Variants in GLYATL2 observed in about 807,000 individuals in gnomAD.
GLYATL2 encodes glycine-N-acyltransferase like 2, also known as glycine N-acyltransferase-like protein 2.
Under a neutral mutation model 21.4 loss-of-function variants are expected in GLYATL2, and 25 were observed. The observed-to-expected ratio is 1.17, with a 90% CI of 0.85 to 1.63. GLYATL2 has a LOEUF of 1.63. Among genes scored for constraint, GLYATL2 ranks in the 40% most tolerant of loss-of-function variants. The pLI is 0.00. For missense variants in GLYATL2, 361 were observed against 343.3 expected (o/e 1.05, Z -0.41); for synonymous variants, 114 against 118.2 (o/e 0.96, Z 0.23).
rs187445054 is a variant in GLYATL2 at position 58,880,512 on chromosome 11, C to T, written n.60+23644G>A. Reference sequence around the variant, plus strand: ...TGGGGTGTGATACAGCATGGTAGATCTTGAATTAAAACTTACAAAATTTTT... The same window carrying T: ...TGGGGTGTGATACAGCATGGTAGATTTTGAATTAAAACTTACAAAATTTTT... On this transcript the variant is annotated intron_variant and non_coding_transcript_variant, in intron 1 of 4. Coordinates refer to the GLYATL2 transcript ENST00000533636. Among the ~76,000 whole-genome samples, 17 of 152,142 alleles carry T rather than the reference C, an allele frequency of 1.1e-4. 1 individual carries two copies. The highest frequency in any genetic ancestry group is 3.9e-4 in the Admixed American group (6 of 15,274).
intron 2 of GLYATL2, 29 bp from the exon 3 acceptor site, chr11:58,838,397 G>A: frequency 2.2e-6 from 3 of 1,379,372 alleles, no homozygotes; most frequent in Non-Finnish European, 3.1e-6. Context: ...AAGCAGGAGA[G>A]GATGAAGTTC....
chr11:58,842,171 G>C (rs1188856426), intron 1 of GLYATL2, among the ~76,000 whole-genome samples: 1 of 152,170 alleles, frequency 6.6e-6, no homozygotes, highest in East Asian at 1.9e-4. Flanking sequence ...TCTTTATGTT[G>C]ATTAATTCAT....
chr11:58,860,605 C>G (rs778815850), intron 1 of GLYATL2, among the ~76,000 whole-genome samples: 7 of 152,012 alleles, frequency 4.6e-5, no homozygotes, highest in Non-Finnish European at 8.8e-5. Flanking sequence ...TTTCTCTTGC[C>G]TAATTGCTCT....
intron 1 of GLYATL2, among the ~76,000 whole-genome samples, chr11:58,869,562 G>C (rs1188720376): frequency 1.3e-5 from 2 of 152,174 alleles, no homozygotes; most frequent in African/African-American, 4.8e-5. Context: ...CGTGGCTAGA[G>C]TTCCAAGTTA....
intron 1 of GLYATL2, among the ~76,000 whole-genome samples, chr11:58,840,344 A>G (rs1262641100): frequency 2.6e-5 from 4 of 152,272 alleles, no homozygotes; most frequent in Non-Finnish European, 4.4e-5. Context: ...GGATGTAAAC[A>G]TAAGAAAATT....
At chr11:58,858,245 T>TG (rs1853867441) in intron 1 of GLYATL2, among the ~76,000 whole-genome samples, 1 of 152,310 alleles carries the variant, frequency 6.6e-6, no homozygotes, top group Admixed American at 6.5e-5. Context: ...CTAATGAGCA[T>TG]GGTTCTGACA....
chr11:58,861,430 T>G (rs992162180), intron 1 of GLYATL2, among the ~76,000 whole-genome samples: 1 of 152,012 alleles, frequency 6.6e-6, no homozygotes, highest in Non-Finnish European at 1.5e-5. Context: ...TGTCTCCTTT[T>G]TATGTATGAT....
intron 1 of GLYATL2, among the ~76,000 whole-genome samples, chr11:58,887,401 AT>A (rs1854462134): frequency 6.6e-6 from 1 of 152,232 alleles, no homozygotes; most frequent in African/African-American, 2.4e-5. Context: ...GAGAATTTAT[AT>A]AGAAAAAAAG....
upstream of GLYATL2, among the ~76,000 whole-genome samples, chr11:58,848,701 G>A (rs1032659582): frequency 6.6e-6 from 1 of 152,104 alleles, no homozygotes; most frequent in Non-Finnish European, 1.5e-5. Flanking sequence ...CACATCTACA[G>A]GTTATAGAAA....
intron 1 of GLYATL2, among the ~76,000 whole-genome samples, chr11:58,852,373 T>A (rs150683099): frequency 1.3e-5 from 2 of 152,334 alleles, no homozygotes; most frequent in African/African-American, 4.8e-5. Context: ...ACTGAGAATG[T>A]AACTAACAGA....
At chr11:58,840,200 C>G (rs889148627) in intron 1 of GLYATL2, among the ~76,000 whole-genome samples, 1 of 151,958 alleles carries the variant, frequency 6.6e-6, no homozygotes, top group African/African-American at 2.4e-5. Flanking sequence ...AGTGATGATA[C>G]CACCAAGTAG....
intron 1 of GLYATL2, among the ~76,000 whole-genome samples, chr11:58,899,634 A>C (rs1168828444): frequency 6.6e-6 from 1 of 152,088 alleles, no homozygotes; most frequent in East Asian, 1.9e-4. Context: ...GAAAGAAGGA[A>C]CAGAGCCAAG....
At chr11:58,909,513 T>C in the GLYATL2 span, among the ~76,000 whole-genome samples, 1 of 152,224 alleles carries the variant, frequency 6.6e-6, no homozygotes, top group Non-Finnish European at 1.5e-5. Context: ...ACATTAATTA[T>C]GTACATTAGT....
At chr11:58,886,558 A>T (rs1854444187) in intron 1 of GLYATL2, among the ~76,000 whole-genome samples, 1 of 152,228 alleles carries the variant, frequency 6.6e-6, no homozygotes, top group Non-Finnish European at 1.5e-5. Context: ...GGATTACACA[A>T]GGTTTAAATG....
At chr11:58,860,320 G>C (rs1165794464) in intron 1 of GLYATL2, among the ~76,000 whole-genome samples, 1 of 46,536 alleles carries the variant, frequency 2.1e-5, no homozygotes, top group East Asian at 5.2e-4. Flanking sequence ...CACTATATAA[G>C]TCTTTTACCA....
rs1854158183 is a variant in GLYATL2, at chr11:58,873,191, A to G, written n.60+30965T>C. On this transcript the variant is annotated intron_variant and non_coding_transcript_variant, in intron 1 of 4. Transcript: ENST00000533636. ...CAGATTAAGGAGATTTGGGGCTGAG[A>G]CGATGGGGTTTTCTAAATATACAAT... is the stretch of plus-strand genomic sequence containing the variant. 2.6e-5 allele frequency among the ~76,000 whole-genome samples: 4 copies of G among 151,472 alleles called. No individual in the cohort carries two copies. In the South Asian group the frequency reaches 8.5e-4, roughly 32 times the overall value.
At chr11:58,862,485 A>C (rs572776) in intron 1 of GLYATL2, among the ~76,000 whole-genome samples, 134,984 of 152,082 alleles carry the variant, frequency 0.89, 61,046 homozygotes, top group Non-Finnish European at 0.98. Context: ...CATAGGATTT[A>C]TTCACTTTTT....
Position 58,870,606 on chromosome 11 carries a change from G to A in GLYATL2, n.61-32238C>T, listed in dbSNP as rs534998279. On this transcript the variant is annotated intron_variant and non_coding_transcript_variant, in intron 1 of 4. Coordinates refer to the GLYATL2 transcript ENST00000533636. ...GCATCTAAAAGTTTACCCTACTTGG[G>A]GCACAGTTTTACAAATGCTGGCAGA... Among the ~76,000 whole-genome samples, 9 of 152,270 alleles carry A rather than the reference G, an allele frequency of 5.9e-5. No homozygotes were observed. The South Asian group carries it at 1.9e-3, about 32-fold the overall frequency.
chr11:58,864,529 C>T (rs760490402), intron 1 of GLYATL2, among the ~76,000 whole-genome samples: 1 of 149,064 alleles, frequency 6.7e-6, no homozygotes, highest in Non-Finnish European at 1.5e-5. Context: ...TTGGTCCAAA[C>T]CAAAGTTCAG....
Sources: allele counts gnomAD v4.1 joint callset (sites outside exome capture counted in the v4.1 genomes callset), GRCh38; gene constraint gnomAD v4.1.1; transcripts MANE v1.5; gene names NCBI Gene and HGNC (gene_info 2026-07-23, HGNC 2026-07-21).